The following DNAI2 variants were observed in gnomAD, a reference collection of about 807,000 sequenced individuals.
The protein encoded by DNAI2 is dynein axonemal intermediate chain 2.
DNAI2 carries 63 observed loss-of-function variants against 74.7 expected under a neutral mutation model. The observed-to-expected ratio is 0.84, with a 90% CI of 0.69 to 1.04. The LOEUF is 1.04. Among genes scored for constraint, DNAI2 ranks in the 50% least tolerant of loss-of-function variants. The pLI is 0.00. For missense variants in DNAI2, 688 were observed against 803.2 expected (o/e 0.86, Z 1.73); for synonymous variants, 289 against 314.9 (o/e 0.92, Z 0.87).
At chr17:74,308,630 T>G (rs1236332323) in intron 9 of DNAI2, among the ~76,000 whole-genome samples, 1 of 152,010 alleles carries the variant, frequency 6.6e-6, no homozygotes, top group African/African-American at 2.4e-5. Context: ...CAAGCGATCC[T>G]CCCATCTCAG....
chr17:74,308,558 G>A (rs750914015), intron 9 of DNAI2, among the ~76,000 whole-genome samples: 17 of 152,174 alleles, frequency 1.1e-4, no homozygotes, highest in South Asian at 2.1e-4. Context: ...GTCTCACTAC[G>A]TTGCCCAGGC....
In DNAI2 at chr17:74,305,305, C is replaced by T. The variant is rs374687041; in HGVS notation, c.1074C>T (p.Cys358=). 2 of 1,614,240 alleles carry T rather than the reference C, an allele frequency of 1.2e-6. No homozygotes were observed. The highest frequency in any genetic ancestry group is 1.1e-5 in the South Asian group (1 of 91,086). ...AGACGTCAGCTGAAAAGATTGTGTG[C>T]ACCTTCCCGGGCCATCATGGCCCCA... ...KAKTSAEKIV[C]TFPGHHGPIY... is the part of the protein sequence containing the mutation. The change falls in exon 9 of 14, where the codon TGC becomes TGT. Residue 358 remains cysteine (C), a synonymous_variant. Transcript: ENST00000311014.
At chr17:74,293,752 A>G (rs946954876) in intron 6 of DNAI2, among the ~76,000 whole-genome samples, 1 of 151,458 alleles carries the variant, frequency 6.6e-6, no homozygotes, top group Non-Finnish European at 1.5e-5. Context: ...CTTGTAGATT[A>G]CATGTAGCTG....
In DNAI2 at chr17:74,285,090, G is replaced by T; in HGVS notation, c.234G>T (p.Glu78Asp). Residue 78 changes from glutamate to aspartate, a missense_variant, in exon 3 of 14, where the codon GAG becomes GAT. Physicochemically the swap from Glu to Asp is conservative, Grantham distance 45 (BLOSUM62 2). Coordinates refer to ENST00000311014, the MANE Select transcript of DNAI2 (RefSeq NM_023036.6). ...EMETRGVNHV[E>D]GGWPKDVNPL... Reference sequence around the variant, plus strand: ...AGACCCGGGGAGTTAACCATGTCGAGGGGGGCTGGCCCAAGGACGTGAACC... The same window carrying T: ...AGACCCGGGGAGTTAACCATGTCGATGGGGGCTGGCCCAAGGACGTGAACC... The T allele has an allele frequency of 9.3e-6, 15 of 1,614,208 alleles. No individual in the cohort carries two copies. Among genetic ancestry groups the T allele is most frequent in the Non-Finnish European group, 1.3e-5 (15 of 1,180,042 alleles).
chr17:74,297,517 A>G (rs2052519529), intron 6 of DNAI2, among the ~76,000 whole-genome samples: 2 of 149,662 alleles, frequency 1.3e-5, no homozygotes, highest in African/African-American at 5.0e-5. Flanking sequence ...CAGCCTCCCC[A>G]GAGGCTGGTG....
intron 2 of DNAI2, among the ~76,000 whole-genome samples, chr17:74,283,550 G>A (rs574769552): frequency 1.3e-5 from 2 of 152,232 alleles, no homozygotes; most frequent in East Asian, 1.9e-4. Flanking sequence ...CACAGCAGCA[G>A]TGAGCTGTGA....
At chr17:74,276,113 C>A (rs2051059853) in intron 1 of DNAI2, among the ~76,000 whole-genome samples, 1 of 151,812 alleles carries the variant, frequency 6.6e-6, no homozygotes, top group Admixed American at 6.6e-5. Context: ...CCATCACTCC[C>A]TTGGCCTTCC....
chr17:74,305,772 A>G (rs1195090805), intron 9 of DNAI2, among the ~76,000 whole-genome samples: 6 of 150,268 alleles, frequency 4.0e-5, no homozygotes, highest in Admixed American at 2.7e-4. Context: ...CCCAGGTTCA[A>G]GAGACTCTCC....
intron 4 of DNAI2, among the ~76,000 whole-genome samples, chr17:74,287,639 G>A (rs1446498296): frequency 4.6e-5 from 7 of 152,188 alleles, no homozygotes; most frequent in African/African-American, 4.8e-5. Context: ...CCCACACGAC[G>A]GAATGCCATG....
At chr17:74,290,175 G>T (rs1178805994) in intron 5 of DNAI2, among the ~76,000 whole-genome samples, 3 of 152,190 alleles carry the variant, frequency 2.0e-5, no homozygotes, top group African/African-American at 7.2e-5. Flanking sequence ...AATTAGTTGT[G>T]CTTGATGGTG....
At chr17:74,303,596 ATT>A (rs542455902) in intron 8 of DNAI2, among the ~76,000 whole-genome samples, 3 of 132,734 alleles carry the variant, frequency 2.3e-5, no homozygotes, top group Non-Finnish European at 1.6e-5. Flanking sequence ...AGCCAGGCTG[ATT>A]TTTTTTTTTT....
chr17:74,281,759 A>T (rs747999106), intron 1 of DNAI2, 48 bp from the exon 2 acceptor site: 22 of 1,593,590 alleles, frequency 1.4e-5, no homozygotes, highest in Non-Finnish European at 1.8e-5. Flanking sequence ...GGAGATAGGG[A>T]AGGGGCCGGT....
Position 74,300,959 on chromosome 17 carries a change from C to T in DNAI2, c.865-87C>T, listed in dbSNP as rs997047121. On this transcript the variant is annotated intron_variant, in intron 7 of 13. Coordinates refer to ENST00000311014, the MANE Select transcript of DNAI2 (RefSeq NM_023036.6). This position sits in a 1 kb window ranked among gnomAD's most constrained non-coding sequence, Gnocchi z 4.5. Reference sequence around the variant, plus strand: ...ATCCTTTGTGGCCCAGTGGCTGACCCCAGGACGGTGGGGTGAGGGCGGAGA... The same window carrying T: ...ATCCTTTGTGGCCCAGTGGCTGACCTCAGGACGGTGGGGTGAGGGCGGAGA... 2.4e-5 allele frequency: 38 copies of T among 1,588,170 alleles called. No individual in the cohort carries two copies. The African/African-American group carries it at 4.8e-4, about 20-fold the overall frequency.
rs755825865 is a variant in DNAI2, at chr17:74,310,002, C to G, written c.1348-15C>G. 1.2e-5 allele frequency: 19 copies of G among 1,613,604 alleles called. No individual in the cohort carries two copies. The highest frequency in any genetic ancestry group is 1.7e-5 in the Admixed American group (1 of 59,996). ...CCTCTCTCCTCTACCTGGGTCTGCC[C>G]GGCCCCTTCAATAGGTGTGTGACGA... On this transcript the variant is annotated splice_polypyrimidine_tract_variant and intron_variant, in intron 10 of 13. Transcript: ENST00000311014.
chr17:74,289,419 C>G (rs1049652319), intron 4 of DNAI2, among the ~76,000 whole-genome samples, 175 bp from the exon 5 acceptor site: 1 of 151,366 alleles, frequency 6.6e-6, no homozygotes, highest in African/African-American at 2.4e-5. Flanking sequence ...CGTAGCTACT[C>G]GGGAGGCTGA....
intron 1 of DNAI2, among the ~76,000 whole-genome samples, chr17:74,279,186 AAAT>A (rs1196692902): frequency 1.3e-5 from 2 of 152,102 alleles, no homozygotes; most frequent in Admixed American, 1.3e-4. Context: ...AAATAAATAA[AAAT>A]AACTAACAAA....
intron 6 of DNAI2, among the ~76,000 whole-genome samples, chr17:74,297,972 C>T (rs373204831): frequency 6.6e-6 from 1 of 152,236 alleles, no homozygotes; most frequent in Non-Finnish European, 1.5e-5. Flanking sequence ...GCCCCGATCT[C>T]CCTCTCAGAC....
intron 12 of DNAI2, 69 bp downstream of exon 12, chr17:74,312,299 C>A: frequency 1.7e-6 from 1 of 587,050 alleles, no homozygotes; most frequent in Non-Finnish European, 3.2e-6. Context: ...GGTTCTGCTT[C>A]TGCTTGCCGA....
At chr17:74,305,813 A>C (rs963356312) in intron 9 of DNAI2, among the ~76,000 whole-genome samples, 2 of 151,548 alleles carry the variant, frequency 1.3e-5, no homozygotes, top group African/African-American at 4.9e-5. Flanking sequence ...CTGGGACTAC[A>C]AGCACCTGCC....
Sources: allele counts gnomAD v4.1 joint callset (sites outside exome capture counted in the v4.1 genomes callset), GRCh38; gene constraint gnomAD v4.1.1; non-coding constraint Gnocchi (gnomAD v3.1); transcripts MANE v1.5; gene names NCBI Gene and HGNC (gene_info 2026-07-23, HGNC 2026-07-21).